TBATA: variants seen among roughly 807,000 people sequenced by gnomAD.
The protein encoded by TBATA is protein TBATA.
TBATA carries 47 observed loss-of-function variants against 38.7 expected under a neutral mutation model. The ratio of observed to expected loss-of-function variants is 1.21; its 90% CI spans 0.96 to 1.55. The LOEUF is 1.55. Ranked by LOEUF, TBATA falls within the 40% of genes most tolerant of loss-of-function variation. The probability of loss-of-function intolerance (pLI) is 0.00; values close to 1 mark genes in which losing one functional copy is unlikely to be tolerated. For synonymous variants in TBATA, 183 were observed against 170.5 expected (o/e 1.07, Z -0.57); for missense variants, 436 against 435.6 (o/e 1.00, Z -0.01).
Position 70,783,474 on chromosome 10 carries a change from C to A in TBATA, c.-95G>T, listed in dbSNP as rs937674331. ...TCACTTAATACTAGTGTTGAGGATG[C>A]AGAACAGGAACTCTCACGAACTGGT... On this transcript the variant is annotated 5_prime_UTR_variant, in exon 3 of 11. Coordinates refer to ENST00000456372, the MANE Select transcript of TBATA (RefSeq NM_001318241.2). The A allele has an allele frequency of 2.1e-6, 3 of 1,440,372 alleles. No homozygotes were observed. Among genetic ancestry groups the A allele is most frequent in the Non-Finnish European group, 2.9e-6 (3 of 1,029,744 alleles). The allele number at this position is 1,440,372 out of a possible 1,614,324, so 89.2% of individuals were successfully genotyped here. A position where few individuals can be genotyped will look rare whatever the true frequency, so the allele number is the denominator to read the frequency against.
At chr10:70,783,182 C>A (rs1195411656) in intron 3 of TBATA, among the ~76,000 whole-genome samples, 157 bp downstream of exon 3, 1 of 152,198 alleles carries the variant, frequency 6.6e-6, no homozygotes, top group Admixed American at 6.5e-5. Flanking sequence ...AGCCTGAGGA[C>A]CCATTGGGGG....
chr10:70,777,126 A>T (rs1438662699), intron 7 of TBATA, 27 bp downstream of exon 7: 2 of 1,605,762 alleles, frequency 1.2e-6, no homozygotes, highest in East Asian at 4.5e-5. Flanking sequence ...GAGAGCCAGG[A>T]GCCTGGGAGC....
intron 8 of TBATA, 132 bp from the exon 9 acceptor site, chr10:70,774,489 C>A: frequency 2.4e-6 from 2 of 816,576 alleles, no homozygotes; most frequent in Non-Finnish European, 3.8e-6. Context: ...CAGGTCCCCT[C>A]GGGAGAGCTC....
In TBATA at chr10:70,781,968, G is replaced by A; in HGVS notation, c.110C>T (p.Pro37Leu). 1.2e-6 allele frequency: 2 copies of A among 1,614,220 alleles called. No individual in the cohort carries two copies. The highest frequency in any genetic ancestry group is 1.7e-6 in the Non-Finnish European group (2 of 1,180,040). ...RKPRSPRDSG[P>L]QKELVIPGIV... is the part of the protein sequence containing the mutation. Reference sequence around the variant, plus strand: ...CCCTGGGATCACCAGTTCTTTCTGTGGCCCACTGTCCCTGGGGCTCCTTGG... The same window carrying A: ...CCCTGGGATCACCAGTTCTTTCTGTAGCCCACTGTCCCTGGGGCTCCTTGG... Residue 37 changes from proline (P) to leucine (L), a missense_variant, in exon 4 of 11, where the codon CCA becomes CTA. Physicochemically the swap from Pro to Leu is moderately conservative, Grantham distance 98. Transcript: ENST00000456372.
chr10:70,782,927 G>A (rs1297383521), intron 3 of TBATA, among the ~76,000 whole-genome samples: 1 of 152,202 alleles, frequency 6.6e-6, no homozygotes, highest in Non-Finnish European at 1.5e-5. Flanking sequence ...ACCCTCTGAG[G>A]ACTCCACTGA....
intron 3 of TBATA, among the ~76,000 whole-genome samples, chr10:70,782,972 C>T (rs963111687): frequency 6.6e-6 from 1 of 152,230 alleles, no homozygotes; most frequent in African/African-American, 2.4e-5. Flanking sequence ...ATTCTCCATT[C>T]GCCTCTAAGG....
chr10:70,778,756 A>T, intron 5 of TBATA, 120 bp from the exon 6 acceptor site: 1 of 868,696 alleles, frequency 1.2e-6, no homozygotes. Context: ...TGGATCTTAA[A>T]GGGAAAGGGG....
chr10:70,782,219 T>G, intron 3 of TBATA, 183 bp from the exon 4 acceptor site: 1 of 1,349,142 alleles, frequency 7.4e-7, no homozygotes. Flanking sequence ...CTTTCCCAAC[T>G]GGTGCAATCC....
At chr10:70,775,775 G>A (rs1265178478) in intron 7 of TBATA, among the ~76,000 whole-genome samples, 1 of 152,192 alleles carries the variant, frequency 6.6e-6, no homozygotes, top group Non-Finnish European at 1.5e-5. Context: ...GTCTGGGGAT[G>A]TTGGAAAAGG....
intron 4 of TBATA, among the ~76,000 whole-genome samples, chr10:70,780,868 A>G (rs1219203378): frequency 6.6e-6 from 1 of 152,102 alleles, no homozygotes; most frequent in Non-Finnish European, 1.5e-5. Context: ...TACATTTCAC[A>G]TATCTCCAGC....
chr10:70,772,282 G>A (rs143536904), intron 10 of TBATA: 3 of 694,628 alleles, frequency 4.3e-6, no homozygotes, highest in African/African-American at 1.8e-5. Context: ...TGTAAGTTCC[G>A]TGACAGCAGG....
chr10:70,785,145 C>G (rs1432536207), intron 1 of TBATA, 140 bp downstream of exon 1: 2 of 152,614 alleles, frequency 1.3e-5, no homozygotes, highest in African/African-American at 4.8e-5. Flanking sequence ...TGCCCCTGCT[C>G]TCTGTCCCTG....
At chr10:70,781,317 G>C (rs1004562663) in intron 4 of TBATA, among the ~76,000 whole-genome samples, 6 of 152,190 alleles carry the variant, frequency 3.9e-5, no homozygotes, top group Non-Finnish European at 7.3e-5. Flanking sequence ...CTGCAGCCTG[G>C]GCACTTGACA....
At position 70,778,522 on chromosome 10, in the gene TBATA, C is replaced by T. The variant is rs372828764; in HGVS notation, c.507+35G>A. 33 of 1,597,440 alleles carry T rather than the reference C, an allele frequency of 2.1e-5. No individual in the cohort carries two copies. In the African/African-American group the frequency reaches 4.4e-4, roughly 21 times the overall value. On this transcript the variant is annotated intron_variant, in intron 6 of 10. Coordinates refer to ENST00000456372, the MANE Select transcript of TBATA (RefSeq NM_001318241.2). ...TTACACAGGGAAGGATCCGTTTCTC[C>T]TCTTCCCAGACTAGCTCCTGTGTTC...
In TBATA at chr10:70,774,217, A is replaced by C; in HGVS notation, c.916T>G (p.Cys306Gly). The C allele has an allele frequency of 1.9e-6, 3 of 1,612,056 alleles. No homozygotes were observed. The highest frequency in any genetic ancestry group is 2.5e-6 in the Non-Finnish European group (3 of 1,179,570). The change falls in exon 9 of 11, where the codon TGC becomes GGC. Residue 306 changes from cysteine (C) to glycine (G), a missense_variant. Cys to Gly is a radical substitution (Grantham distance 159, BLOSUM62 -3). Transcript: ENST00000456372. Reference sequence around the variant, plus strand: ...AGGGCGGGGTGCGGGGCCCACCTGCAGGGTGGCTCTTGCTTCTCTTGAGGA... The same window carrying C: ...AGGGCGGGGTGCGGGGCCCACCTGCCGGGTGGCTCTTGCTTCTCTTGAGGA... ...EPPQEKQEPPCSQSPKKTKIS... is the reference protein window; with the variant it reads ...EPPQEKQEPPGSQSPKKTKIS...
intron 5 of TBATA, 93 bp downstream of exon 5, chr10:70,779,500 T>G: frequency 7.3e-7 from 1 of 1,363,912 alleles, no homozygotes; most frequent in Non-Finnish European, 9.6e-7. Context: ...CTAAGAGCGA[T>G]GGCCCTTTCC....
rs1843119896 is a variant in TBATA, at chr10:70,774,387, C to T, written c.776-30G>A. 3.9e-6 allele frequency: 6 copies of T among 1,548,968 alleles called. No individual in the cohort carries two copies. In the East Asian group the frequency reaches 7.1e-5, roughly 18 times the overall value. ...AAGCACAGCCCGGGGGCAGTGTCCT[C>T]AGCCCCCAGCCCCCTTCCTGTCCCT... is the stretch of plus-strand genomic sequence containing the variant. On this transcript the variant is annotated intron_variant, in intron 8 of 10. Coordinates refer to ENST00000456372, the MANE Select transcript of TBATA (RefSeq NM_001318241.2).
Position 70,775,404 on chromosome 10 carries a change from T to C in TBATA, c.694-134A>G. On this transcript the variant is annotated intron_variant, in intron 7 of 10. Coordinates refer to ENST00000456372, the MANE Select transcript of TBATA (RefSeq NM_001318241.2). ...GAGGCGCCTGCTGGGCTAAACGTGT[T>C]CCCACAAGGGTCTGTGCCTTTTCCT... The C allele has an allele frequency of 3.0e-6, 2 of 675,844 alleles. 1 individual carries two copies. Among genetic ancestry groups the C allele is most frequent in the Non-Finnish European group, 5.4e-6 (2 of 373,594 alleles). 41.9% of individuals were successfully genotyped at this position (675,844 alleles called of 1,614,324 possible).
At chr10:70,773,808 A>C (rs903965376) in intron 9 of TBATA, among the ~76,000 whole-genome samples, 1 of 152,158 alleles carries the variant, frequency 6.6e-6, no homozygotes, top group Non-Finnish European at 1.5e-5. Flanking sequence ...GGCCTCCCCC[A>C]GTTCGTAATT....
Sources: allele counts gnomAD v4.1 joint callset (sites outside exome capture counted in the v4.1 genomes callset), GRCh38; gene constraint gnomAD v4.1.1; transcripts MANE v1.5; gene names NCBI Gene and HGNC (gene_info 2026-07-23, HGNC 2026-07-21).